Variants in NEMP2 observed in about 807,000 individuals in gnomAD.
NEMP2 encodes the protein nuclear envelope integral membrane protein 2, also known as UPF0571 transmembrane protein.
NEMP2 carries 53 observed loss-of-function variants against 54.2 expected under a neutral mutation model. The ratio of observed to expected loss-of-function variants is 0.98; its 90% CI spans 0.78 to 1.23. The LOEUF is 1.23. Among genes scored for constraint, NEMP2 ranks in the 50% most tolerant of loss-of-function variants. The pLI, the probability that NEMP2 is intolerant of heterozygous loss-of-function variation, is 0.00. For missense variants in NEMP2, 455 were observed against 511.3 expected, an observed-to-expected ratio of 0.89 and a Z score of 1.06; for synonymous variants, 197 against 190.3, an observed-to-expected ratio of 1.04 and a Z score of -0.29.
the NEMP2 span, among the ~76,000 whole-genome samples, chr2:190,462,458 A>G: frequency 2.6e-5 from 4 of 152,154 alleles, no homozygotes; most frequent in African/African-American, 9.7e-5. The surrounding 1 kb of genome is among the most constrained non-coding windows in gnomAD (Gnocchi z 5.7). Flanking sequence ...TTTTGCCCTC[A>G]TATTTTATCA....
At chr2:190,524,022 GC>G (rs1690843987) in intron 2 of NEMP2, among the ~76,000 whole-genome samples, 1 of 150,984 alleles carries the variant, frequency 6.6e-6, no homozygotes, top group African/African-American at 2.4e-5. Context: ...GGGCAACATG[GC>G]AAAACCCCAT....
upstream of NEMP2, among the ~76,000 whole-genome samples, chr2:190,538,829 A>G (rs565213084): frequency 2.4e-4 from 37 of 152,084 alleles, no homozygotes; most frequent in East Asian, 7.7e-4. The surrounding 1 kb of genome is among the most constrained non-coding windows in gnomAD (Gnocchi z 4.1). Flanking sequence ...TTGCTATTCA[A>G]TTGTTTGAGT....
In NEMP2 at chr2:190,522,398, A is replaced by T. The variant is rs1026400981; in HGVS notation, c.213+2865T>A. 3.7e-4 allele frequency among the ~76,000 whole-genome samples: 56 copies of T among 152,180 alleles called. No individual in the cohort carries two copies. Among genetic ancestry groups the T allele is most frequent in the African/African-American group, 1.2e-3 (51 of 41,536 alleles). ...ATTAAAAATTAAGAAGGTTTTTTTT[A>T]AAAAAACAAAATCTCACTTAAAAAA... On this transcript the variant is annotated intron_variant, in intron 2 of 8. Transcript: ENST00000409150. This position sits in a 1 kb window ranked among gnomAD's most constrained non-coding sequence, Gnocchi z 5.0.
chr2:190,539,156 C>T (rs1691469108), upstream of NEMP2, among the ~76,000 whole-genome samples: 1 of 152,098 alleles, frequency 6.6e-6, no homozygotes, highest in Non-Finnish European at 1.5e-5. The surrounding 1 kb of genome is among the most constrained non-coding windows in gnomAD (Gnocchi z 4.1). Context: ...TAGCTTCATC[C>T]TTCTGCATAT....
At chr2:190,621,275 G>T in the NEMP2 span, among the ~76,000 whole-genome samples, 2 of 152,278 alleles carry the variant, frequency 1.3e-5, no homozygotes, top group Middle Eastern at 6.8e-3. Flanking sequence ...ATAGCCTATT[G>T]CTCCTAGGCT....
Position 190,510,314 on chromosome 2 carries a change from A to T in NEMP2, c.1130+47T>A. On this transcript the variant is annotated intron_variant, in intron 8 of 8. Transcript: ENST00000409150. The surrounding 1 kb of genome is among the most constrained non-coding windows in gnomAD (Gnocchi z 5.7). Reference sequence around the variant, plus strand: ...TACCAAACCATCATATTATTTTTTAAATCATTCTGAACTAAACTATGGTCC... The same window carrying T: ...TACCAAACCATCATATTATTTTTTATATCATTCTGAACTAAACTATGGTCC... The T allele has an allele frequency of 1.9e-6, 3 of 1,539,910 alleles. 1 individual carries two copies. The South Asian group carries it at 3.6e-5, about 18-fold the overall frequency.
chr2:190,479,499 T>G, the NEMP2 span, among the ~76,000 whole-genome samples: 2 of 152,204 alleles, frequency 1.3e-5, no homozygotes, highest in Non-Finnish European at 2.9e-5. Context: ...AATTTTCTCC[T>G]TTTGTTTTGT....
rs1420911337 is a variant in NEMP2 at position 190,519,491 on chromosome 2, G to A, written c.214-308C>T. 6.6e-6 allele frequency among the ~76,000 whole-genome samples: 1 copy of A among 152,202 alleles called. No individual in the cohort carries two copies. The highest frequency in any genetic ancestry group is 1.5e-5 in the Non-Finnish European group (1 of 68,044). ...CTGCTTCAGCCTCCCAAAGTGCTGG[G>A]ATTACCGGCATGAGCCACTGCATCC... is the stretch of plus-strand genomic sequence containing the variant. On this transcript the variant is annotated intron_variant, in intron 2 of 8. Coordinates refer to ENST00000409150, the MANE Select transcript of NEMP2 (RefSeq NM_001142645.2). This position sits in a 1 kb window ranked among gnomAD's most constrained non-coding sequence, Gnocchi z 5.4.
the NEMP2 span, among the ~76,000 whole-genome samples, chr2:190,584,941 AAGAAAGAAAGAAAGAAAGAAAG>A: frequency 7.2e-6 from 1 of 139,424 alleles, no homozygotes; most frequent in African/African-American, 2.7e-5. The surrounding 1 kb of genome is among the most constrained non-coding windows in gnomAD (Gnocchi z 4.2). Flanking sequence ...GAAAGAAAGA[AAGAAAGAAAGAAAGAAAGAAAG>A]AGACATAATG....
At chr2:190,478,947 G>A in the NEMP2 span, among the ~76,000 whole-genome samples, 3 of 152,132 alleles carry the variant, frequency 2.0e-5, no homozygotes, top group Non-Finnish European at 2.9e-5. Flanking sequence ...CTGAAAGGGA[G>A]GAGACAAAAG....
the NEMP2 span, among the ~76,000 whole-genome samples, chr2:190,612,786 T>G: frequency 5.0e-4 from 76 of 152,326 alleles, no homozygotes; most frequent in Middle Eastern, 3.4e-3. Context: ...ACTTTATATC[T>G]CTCTTATTTC....
chr2:190,566,894 G>A, the NEMP2 span, among the ~76,000 whole-genome samples: 7 of 151,942 alleles, frequency 4.6e-5, no homozygotes, highest in Admixed American at 3.3e-4. Context: ...TACAAACACC[G>A]TCTACCCACA....
At chr2:190,619,108 G>A in the NEMP2 span, among the ~76,000 whole-genome samples, 30 of 152,262 alleles carry the variant, frequency 2.0e-4, no homozygotes, top group African/African-American at 7.0e-4. This position sits in a 1 kb window ranked among gnomAD's most constrained non-coding sequence, Gnocchi z 5.5. Flanking sequence ...GGACAGATGT[G>A]GTGGCTCACA....
At chr2:190,503,313 G>A (rs1042475365), downstream of NEMP2, among the ~76,000 whole-genome samples, 5 of 152,228 alleles carry the variant, frequency 3.3e-5, no homozygotes, top group Admixed American at 1.3e-4. This position sits in a 1 kb window ranked among gnomAD's most constrained non-coding sequence, Gnocchi z 6.3. Flanking sequence ...TGTACTGTCC[G>A]GTAGGACTTA....
At chr2:190,553,970 A>C in the NEMP2 span, among the ~76,000 whole-genome samples, 2 of 152,208 alleles carry the variant, frequency 1.3e-5, no homozygotes, top group Admixed American at 6.5e-5. Flanking sequence ...TACCCAGTTC[A>C]TCTCACTGGG....
the NEMP2 span, chr2:190,436,879 G>A: frequency 2.5e-6 from 4 of 1,614,240 alleles, no homozygotes; most frequent in Non-Finnish European, 3.4e-6. The surrounding 1 kb of genome is among the most constrained non-coding windows in gnomAD (Gnocchi z 5.3). Flanking sequence ...TCAACAAGAA[G>A]TTGAAGCTAT....
the NEMP2 span, among the ~76,000 whole-genome samples, chr2:190,552,853 G>A: frequency 1.6e-4 from 25 of 152,156 alleles, no homozygotes; most frequent in Non-Finnish European, 3.2e-4. Context: ...TGTTCTCAAT[G>A]TTATAAAATC....
the NEMP2 span, among the ~76,000 whole-genome samples, chr2:190,475,413 T>C: frequency 6.6e-6 from 1 of 152,036 alleles, no homozygotes; most frequent in East Asian, 1.9e-4. Context: ...CATTCTTATA[T>C]ACCAGTAACA....
At chr2:190,578,221 G>A in the NEMP2 span, among the ~76,000 whole-genome samples, 2 of 152,188 alleles carry the variant, frequency 1.3e-5, no homozygotes, top group African/African-American at 2.4e-5. This position sits in a 1 kb window ranked among gnomAD's most constrained non-coding sequence, Gnocchi z 4.4. Context: ...CAGAATTAGA[G>A]GAAAGAAGAA....
Sources: gnomAD v4.1 joint callset for allele counts (sites outside exome capture counted in the v4.1 genomes callset) on GRCh38, gnomAD v4.1.1 for gene constraint, Gnocchi (gnomAD v3.1) non-coding constraint, MANE v1.5 for transcripts, NCBI Gene and HGNC (gene_info 2026-07-23, HGNC 2026-07-21) for gene names.